The following RB1CC1 variants were observed in gnomAD, a reference collection of about 807,000 sequenced individuals.
RB1CC1 encodes the protein RB1-inducible coiled-coil protein 1.
A neutral mutation model predicts 177.5 loss-of-function variants in RB1CC1; 46 were observed. The ratio of observed to expected loss-of-function variants is 0.26; its 90% CI spans 0.20 to 0.33. The LOEUF is 0.33. Among genes scored for constraint, RB1CC1 ranks in the 10% least tolerant of loss-of-function variants. RB1CC1 has a pLI of 1.00. For synonymous variants in RB1CC1, 666 were observed against 613.6 expected, an observed-to-expected ratio of 1.09 and a Z score of -1.26; for missense variants, 1,703 against 1,816.3, an observed-to-expected ratio of 0.94 and a Z score of 1.13.
rs372709452 is a variant in RB1CC1, at chr8:52,642,656, C to G, written c.4096+48G>C. Reference sequence around the variant, plus strand: ...AAAAAACCACTTTGCATGAATGTATCTTTTCCACTTTAAAAAATTAAAAAA... The same window carrying G: ...AAAAAACCACTTTGCATGAATGTATGTTTTCCACTTTAAAAAATTAAAAAA... On this transcript the variant is annotated intron_variant, in intron 17 of 23. Transcript: ENST00000025008. The G allele has an allele frequency of 2.5e-6, 4 of 1,577,530 alleles. No homozygotes were observed. The African/African-American group carries it at 4.1e-5, about 16-fold the overall frequency.
intron 20 of RB1CC1, among the ~76,000 whole-genome samples, chr8:52,631,285 T>C (rs1848736595): frequency 1.3e-5 from 2 of 152,054 alleles, no homozygotes; most frequent in African/African-American, 2.4e-5. Flanking sequence ...CTGGGCAAAA[T>C]GGTGAAACCC....
chr8:52,689,040 T>C (rs1054119837), intron 1 of RB1CC1, among the ~76,000 whole-genome samples: 14 of 152,178 alleles, frequency 9.2e-5, no homozygotes, highest in Non-Finnish European at 1.8e-4. Flanking sequence ...CTTACTCCCA[T>C]AGCTGCTGCT....
intron 1 of RB1CC1, among the ~76,000 whole-genome samples, chr8:52,701,156 CTT>C (rs1856018455): frequency 6.6e-6 from 1 of 150,498 alleles, no homozygotes; most frequent in Non-Finnish European, 1.5e-5. Flanking sequence ...GAATTTTGCT[CTT>C]GTTGCCCAGG....
rs368743658 is a variant in RB1CC1, at chr8:52,642,415, C to T, written c.4273G>A (p.Ala1425Thr). 2.4e-5 allele frequency: 38 copies of T among 1,614,010 alleles called. No individual in the cohort carries two copies. The highest frequency in any genetic ancestry group is 2.3e-4 in the African/African-American group (17 of 74,930). The part of the protein sequence containing the change: ...PELPGESDRS[A>T]VETADEGRVD... ...CTTCCTTCATCTGCTGTTTCCACAGCGGATCTATCTGATTCACCTGGGAGT... is the reference window on the plus strand; with the variant it reads ...CTTCCTTCATCTGCTGTTTCCACAGTGGATCTATCTGATTCACCTGGGAGT... The change falls in exon 18 of 24, where the codon GCT (alanine) becomes ACT (threonine). Residue 1425 changes from alanine (A) to threonine (T), a missense_variant. Physicochemically the swap from Ala to Thr is moderately conservative, Grantham distance 58. Around this residue, in one of 6 missense-constraint regions of RB1CC1, gnomAD observed 1,169 missense variants for 1,184.7 expected, o/e 0.99. Transcript: ENST00000025008.
rs372968586 is a variant in RB1CC1 at position 52,660,971 on chromosome 8, A to T, written c.1582T>A (p.Tyr528Asn). 2.4e-5 allele frequency: 38 copies of T among 1,613,346 alleles called. No homozygotes were observed. The highest frequency in any genetic ancestry group is 2.9e-5 in the Non-Finnish European group (34 of 1,179,648). Residue 528 changes from tyrosine to asparagine, a missense_variant, in exon 11 of 24, where the codon TAT (tyrosine) becomes AAT (asparagine). By Grantham distance (143) the Tyr-to-Asn change is moderately radical (BLOSUM62 -2). Transcript: ENST00000025008. ...GALVKDGKRL[Y>N]EAEKSKRESF... ...TCCCTTTTTGATTTTTCTGCTTCATATAATCTCTTTCCATCTTTGACTAAA... is the reference window on the plus strand; with the variant it reads ...TCCCTTTTTGATTTTTCTGCTTCATTTAATCTCTTTCCATCTTTGACTAAA...
chr8:52,682,934 A>G (rs1033881538), intron 5 of RB1CC1, among the ~76,000 whole-genome samples: 1 of 152,200 alleles, frequency 6.6e-6, no homozygotes, highest in African/African-American at 2.4e-5. Context: ...AATTAAAGCT[A>G]ATGTTCAGTA....
chr8:52,697,508 G>C (rs979940863), intron 1 of RB1CC1, among the ~76,000 whole-genome samples: 2 of 152,102 alleles, frequency 1.3e-5, no homozygotes, highest in Admixed American at 6.6e-5. Context: ...GATGATAATG[G>C]CATTGTAGTA....
At chr8:52,636,228 T>C (rs891483886) in intron 18 of RB1CC1, among the ~76,000 whole-genome samples, 159 bp from the exon 19 acceptor site, 3 of 152,216 alleles carry the variant, frequency 2.0e-5, no homozygotes, top group African/African-American at 7.2e-5. Context: ...ATTTCAATGT[T>C]GTATATTCTC....
chr8:52,693,103 C>A (rs1855054814), intron 1 of RB1CC1, among the ~76,000 whole-genome samples: 2 of 152,160 alleles, frequency 1.3e-5, no homozygotes, highest in Non-Finnish European at 2.9e-5. Context: ...CCCTTCCTTA[C>A]ACCACATACA....
chr8:52,711,357 T>C (rs529407578), intron 1 of RB1CC1, among the ~76,000 whole-genome samples: 12 of 152,268 alleles, frequency 7.9e-5, no homozygotes, highest in African/African-American at 2.9e-4. Context: ...CCATAATAAA[T>C]AATCAGAGAC....
chr8:52,624,606 C>G (rs1848251947), intron 23 of RB1CC1, 111 bp downstream of exon 23: 2 of 865,786 alleles, frequency 2.3e-6, no homozygotes, highest in Non-Finnish European at 3.6e-6. Context: ...CAAGCTCTAA[C>G]TGAAATGAGC....
intron 5 of RB1CC1, among the ~76,000 whole-genome samples, chr8:52,682,072 C>T (rs537555932): frequency 2.0e-5 from 3 of 152,318 alleles, no homozygotes; most frequent in African/African-American, 4.8e-5. Context: ...ACAGACACAA[C>T]GCCAGCCTGT....
chr8:52,675,579 C>CACAT (rs1172130904), intron 6 of RB1CC1, among the ~76,000 whole-genome samples: 1 of 151,916 alleles, frequency 6.6e-6, no homozygotes, highest in African/African-American at 2.4e-5. Flanking sequence ...GCATTGAAAA[C>CACAT]ACATGGGCTG....
chr8:52,656,896 G>T lies in RB1CC1; in HGVS notation c.2933C>A (p.Ala978Glu), dbSNP rs934454650. ...ACTTTGCTCCAAGGACTGAAGTTCT[G>T]CCCTCAATAACTGTAACTTCTCATC... ...ENDEKLQLLR[A>E]ELQSLEQSHL... Residue 978 changes from alanine to glutamate, a missense_variant, in exon 15 of 24, where the codon GCA becomes GAA. Ala to Glu is a moderately radical substitution (Grantham distance 107). Around this residue, in one of 6 missense-constraint regions of RB1CC1, gnomAD observed 1,169 missense variants for 1,184.7 expected, o/e 0.99. Transcript: ENST00000025008. 6.2e-7 allele frequency: 1 copy of T among 1,612,920 alleles called. No homozygotes were observed. The highest frequency in any genetic ancestry group is 1.3e-5 in the African/African-American group (1 of 74,864).
At chr8:52,648,426 C>G (rs1209161588) in intron 15 of RB1CC1, among the ~76,000 whole-genome samples, 1 of 152,076 alleles carries the variant, frequency 6.6e-6, no homozygotes, top group Non-Finnish European at 1.5e-5. Context: ...GGGAATTAAC[C>G]CTAGCAATGA....
At chr8:52,688,373 C>T (rs1005355304) in intron 1 of RB1CC1, among the ~76,000 whole-genome samples, 1 of 152,090 alleles carries the variant, frequency 6.6e-6, no homozygotes, top group Admixed American at 6.5e-5. Context: ...GAATGCATTC[C>T]TGTGGGGAGG....
chr8:52,649,110 C>T (rs1485741353), intron 15 of RB1CC1, among the ~76,000 whole-genome samples: 6 of 152,084 alleles, frequency 3.9e-5, no homozygotes, highest in Non-Finnish European at 5.9e-5. Context: ...ACCATAAGAG[C>T]GAAATCACAT....
chr8:52,645,910 G>T, intron 15 of RB1CC1, 43 bp from the exon 16 acceptor site: 1 of 1,520,974 alleles, frequency 6.6e-7, no homozygotes, highest in South Asian at 1.2e-5. Flanking sequence ...AAAAATTACA[G>T]ACACACAAAT....
At position 52,685,386 on chromosome 8, in the gene RB1CC1, A is replaced by G. The variant is rs1406084023; in HGVS notation, c.71+13T>C. 2 of 1,562,868 alleles carry G rather than the reference A, an allele frequency of 1.3e-6. No homozygotes were observed. The highest frequency in any genetic ancestry group is 1.8e-6 in the Non-Finnish European group (2 of 1,141,336). ...ACAGAATGCGAAAAAAAAATAAATG[A>G]AATACAACTCACGTTTGCACTGTAA... is the stretch of plus-strand genomic sequence containing the variant. On this transcript the variant is annotated intron_variant, in intron 3 of 23. Transcript: ENST00000025008.
Sources: gnomAD v4.1 joint callset for allele counts (sites outside exome capture counted in the v4.1 genomes callset) on GRCh38, gnomAD v4.1.1 for gene constraint, gnomAD v4.1.1 regional missense constraint, MANE v1.5 for transcripts, NCBI Gene and HGNC (gene_info 2026-07-23, HGNC 2026-07-21) for gene names.